The following RABGAP1L variants were observed in gnomAD, a reference collection of about 807,000 sequenced individuals.
The protein encoded by RABGAP1L is rab GTPase-activating protein 1-like.
Under a neutral mutation model 137.7 loss-of-function variants are expected in RABGAP1L, and 63 were observed. That is an observed-to-expected ratio of 0.46 (90% confidence interval 0.37 to 0.56). The LOEUF (loss-of-function observed/expected upper bound fraction) is 0.56, where lower values mean the gene tolerates loss of function less well. Ranked by LOEUF, RABGAP1L falls within the 20% of genes least tolerant of loss-of-function variation. RABGAP1L has a pLI of 0.00. For synonymous variants in RABGAP1L, 431 were observed against 433.7 expected (o/e 0.99, Z 0.08); for missense variants, 1,095 against 1,244.0 (o/e 0.88, Z 1.80).
rs573241626 is a variant in RABGAP1L at position 174,749,409 on chromosome 1, C to A, written c.2170-2904C>A. 8.6e-5 allele frequency among the ~76,000 whole-genome samples: 13 copies of A among 151,384 alleles called. 1 individual carries two copies. The South Asian group carries it at 1.9e-3, about 22-fold the overall frequency. ...GCAATGGTGTGATCTTGGCTTACTG[C>A]AGCTCAACCTCCTCAGTTCAAGCAC... On this transcript the variant is annotated intron_variant, in intron 17 of 25. Transcript: ENST00000681986.
intron 11 of RABGAP1L, among the ~76,000 whole-genome samples, chr1:174,329,351 C>T (rs1680818471): frequency 6.6e-6 from 1 of 152,062 alleles, no homozygotes; most frequent in Non-Finnish European, 1.5e-5. Context: ...ATAAAGCCTC[C>T]CATCAAAGAA....
chr1:174,380,368 G>T (rs370040484), intron 12 of RABGAP1L, among the ~76,000 whole-genome samples: 1 of 149,624 alleles, frequency 6.7e-6, no homozygotes, highest in African/African-American at 2.4e-5. Context: ...GAATGGTACC[G>T]GTTCCTCCTT....
chr1:174,444,784 A>T (rs1010136350), intron 13 of RABGAP1L, among the ~76,000 whole-genome samples: 1 of 151,988 alleles, frequency 6.6e-6, no homozygotes, highest in African/African-American at 2.4e-5. Flanking sequence ...GTCAATTGTA[A>T]TGTCTTTTCA....
intron 21 of RABGAP1L, among the ~76,000 whole-genome samples, chr1:174,972,853 C>CAAA (rs373159573): frequency 0.1 from 5,431 of 52,746 alleles, 1,882 homozygotes; most frequent in African/African-American, 0.37. Context: ...GACTCTGTCT[C>CAAA]AAAAAAAAAA....
In RABGAP1L at chr1:174,627,889, A is replaced by T. The variant is rs1673037521; in HGVS notation, c.1711-9486A>T. Among the ~76,000 whole-genome samples, 3 of 151,788 alleles carry T rather than the reference A, an allele frequency of 2.0e-5. No individual in the cohort carries two copies. The South Asian group carries it at 6.3e-4, about 32-fold the overall frequency. ...CTCAAGAACTTTGCCTATGAGTTAC[A>T]TTCTTGGTGGTGATGGTCCAGAAAG... On this transcript the variant is annotated intron_variant, in intron 13 of 25. Coordinates refer to ENST00000681986, the MANE Select transcript of RABGAP1L (RefSeq NM_001366446.1).
intron 21 of RABGAP1L, 116 bp downstream of exon 21, chr1:174,969,503 T>A: frequency 1.3e-6 from 1 of 745,158 alleles, no homozygotes; most frequent in Non-Finnish European, 2.3e-6. Context: ...AATGGACAAG[T>A]GGCAGGGACA....
intron 18 of RABGAP1L, among the ~76,000 whole-genome samples, chr1:174,808,802 C>A (rs917505003): frequency 6.6e-6 from 1 of 151,836 alleles, no homozygotes; most frequent in African/African-American, 2.4e-5. Flanking sequence ...TACAGGCATG[C>A]GCCACCACGC....
At chr1:174,704,461 G>C (rs1270544396) in intron 17 of RABGAP1L, among the ~76,000 whole-genome samples, 1 of 152,144 alleles carries the variant, frequency 6.6e-6, no homozygotes, top group African/African-American at 2.4e-5. Context: ...CTCTTCAGTG[G>C]CTTTAGTTAG....
intron 13 of RABGAP1L, among the ~76,000 whole-genome samples, chr1:174,620,331 A>G (rs1363441794): frequency 1.3e-5 from 2 of 152,338 alleles, no homozygotes; most frequent in South Asian, 2.1e-4. Flanking sequence ...CAGAATATAC[A>G]TTCTTTTCAG....
chr1:174,754,333 T>G (rs897514334), intron 18 of RABGAP1L, among the ~76,000 whole-genome samples: 3 of 152,194 alleles, frequency 2.0e-5, no homozygotes, highest in African/African-American at 7.2e-5. Context: ...AATGATCTAT[T>G]GCCACCACTT....
intron 19 of RABGAP1L, among the ~76,000 whole-genome samples, chr1:174,931,661 A>T (rs931279866): frequency 6.6e-6 from 1 of 152,220 alleles, no homozygotes; most frequent in Non-Finnish European, 1.5e-5. Flanking sequence ...GTTCAGTTAT[A>T]AAATAAACTG....
At chr1:174,263,970 T>G (rs1673817128) in intron 7 of RABGAP1L, among the ~76,000 whole-genome samples, 1 of 152,130 alleles carries the variant, frequency 6.6e-6, no homozygotes, top group Admixed American at 6.5e-5. Context: ...GTTACTAATA[T>G]TTTATCCGTA....
intron 17 of RABGAP1L, among the ~76,000 whole-genome samples, chr1:174,725,584 A>C (rs1455789336): frequency 6.6e-6 from 1 of 151,772 alleles, no homozygotes; most frequent in East Asian, 1.9e-4. Flanking sequence ...TTAATCTTTC[A>C]TTTTTTTCCT....
intron 1 of RABGAP1L, among the ~76,000 whole-genome samples, chr1:174,187,585 T>C (rs1666901535): frequency 6.6e-6 from 1 of 152,134 alleles, no homozygotes; most frequent in South Asian, 2.1e-4. Context: ...TAATGAAATA[T>C]GGGACATTTA....
chr1:174,683,340 G>A (rs566099381), intron 14 of RABGAP1L, among the ~76,000 whole-genome samples, 182 bp from the exon 15 acceptor site: 14 of 152,114 alleles, frequency 9.2e-5, no homozygotes, highest in Admixed American at 9.2e-4. Flanking sequence ...GCTGCTTTAG[G>A]AAATACACAG....
intron 13 of RABGAP1L, chr1:174,548,651 C>A: frequency 1.3e-6 from 1 of 788,670 alleles, no homozygotes; most frequent in Non-Finnish European, 1.5e-6. Flanking sequence ...CAGTATTTGG[C>A]TAGGTTCCCC....
intron 1 of RABGAP1L, among the ~76,000 whole-genome samples, chr1:174,199,557 G>T (rs1459869721): frequency 1.3e-5 from 2 of 152,142 alleles, no homozygotes; most frequent in African/African-American, 4.8e-5. Context: ...TTCCCAAAGT[G>T]CTGGGATTAC....
At chr1:174,827,380 T>C (rs1363750322) in intron 19 of RABGAP1L, among the ~76,000 whole-genome samples, 1 of 152,186 alleles carries the variant, frequency 6.6e-6, no homozygotes, top group Non-Finnish European at 1.5e-5. Context: ...CATTTTAACT[T>C]AATTGTCTCT....
chr1:174,729,717 A>G (rs1682301129), intron 17 of RABGAP1L, among the ~76,000 whole-genome samples: 1 of 152,232 alleles, frequency 6.6e-6, no homozygotes, highest in Admixed American at 6.5e-5. Context: ...GACATGAAAA[A>G]ATGCTCCATA....
Sources: gnomAD v4.1 joint callset for allele counts (sites outside exome capture counted in the v4.1 genomes callset) on GRCh38, gnomAD v4.1.1 for gene constraint, MANE v1.5 for transcripts, NCBI Gene and HGNC (gene_info 2026-07-23, HGNC 2026-07-21) for gene names.